Variants in ZNF185 observed in about 807,000 individuals in gnomAD.
ZNF185 encodes zinc finger protein 185 with LIM domain, also known as zinc finger protein 185.
Under a neutral mutation model 58.6 loss-of-function variants are expected in ZNF185, and 56 were observed. The ratio of observed to expected loss-of-function variants is 0.95; its 90% CI spans 0.77 to 1.19. The LOEUF is 1.19. Among genes scored for constraint, ZNF185 ranks in the 50% most tolerant of loss-of-function variants. The pLI is 0.00. For synonymous variants in ZNF185, 230 were observed against 215.9 expected (o/e 1.07, Z -0.57); for missense variants, 627 against 573.5 (o/e 1.09, Z -0.95).
At chrX:152,964,235 C>T (rs2049875642) in intron 18 of ZNF185, among the ~76,000 whole-genome samples, 1 of 112,978 alleles carries the variant, frequency 8.9e-6, no homozygotes, top group East Asian at 2.8e-4. Flanking sequence ...TGGGTCCATG[C>T]CTGGGAAGCC....
chrX:152,954,287 G>A (rs1012653607), intron 16 of ZNF185, among the ~76,000 whole-genome samples: 8 of 111,079 alleles, frequency 7.2e-5, no homozygotes, highest in Non-Finnish European at 5.7e-5. Flanking sequence ...CGGTTCTCAG[G>A]AGAAGCTGCT....
chrX:152,915,236 A>G, intron 3 of ZNF185, 33 bp downstream of exon 4: 1 of 1,193,214 alleles, frequency 8.4e-7, no homozygotes, highest in Non-Finnish European at 1.1e-6. Flanking sequence ...CTGGTGGGTC[A>G]GCCCCAGGGA....
intron 14 of ZNF185, 67 bp downstream of exon 16, chrX:152,936,580 C>G: frequency 1.0e-6 from 1 of 971,037 alleles, no homozygotes; most frequent in Non-Finnish European, 1.4e-6. Context: ...GGCCCAGCCT[C>G]AGCTGCAGCA....
chrX:152,926,499 C>T (rs1556872833), intron 11 of ZNF185, among the ~76,000 whole-genome samples: 2 of 112,987 alleles, frequency 1.8e-5, no homozygotes, highest in East Asian at 2.8e-4. Flanking sequence ...TCCCCGCCTC[C>T]TCGCTCTTTG....
At chrX:152,907,444 G>A in the ZNF185 span, among the ~76,000 whole-genome samples, 1 of 113,323 alleles carries the variant, frequency 8.8e-6, no homozygotes, top group Non-Finnish European at 1.9e-5. Context: ...GAAAGGTAGA[G>A]CAGGAACATG....
exon 23 of ZNF185, chrX:152,971,588 T>A (rs1177263953): frequency 8.9e-6 from 1 of 111,902 alleles, no homozygotes; most frequent in Non-Finnish European, 1.9e-5. Flanking sequence ...ATTGGCTTTC[T>A]AATGAGTTTA....
At chrX:152,914,107 C>A, upstream of ZNF185, among the ~76,000 whole-genome samples, 1 of 111,431 alleles carries the variant, frequency 9.0e-6, no homozygotes, top group Non-Finnish European at 1.9e-5. Context: ...CTTCCCCACA[C>A]CCCCCAGCCT....
At chrX:152,969,666 A>C (rs1556917685) in intron 21 of ZNF185, among the ~76,000 whole-genome samples, 182 bp downstream of exon 23, 1 of 112,414 alleles carries the variant, frequency 8.9e-6, no homozygotes, top group Non-Finnish European at 1.9e-5. Context: ...TGAGCTTCCA[A>C]GTCTAAGACA....
intron 16 of ZNF185, among the ~76,000 whole-genome samples, chrX:152,956,664 A>G (rs1296783409): frequency 2.7e-5 from 3 of 112,122 alleles, no homozygotes; most frequent in Non-Finnish European, 5.6e-5. Context: ...GCCTGAACCC[A>G]GGAGGTGGAG....
At chrX:152,959,360 C>A (rs953166989) in intron 16 of ZNF185, among the ~76,000 whole-genome samples, 3 of 112,424 alleles carry the variant, frequency 2.7e-5, no homozygotes, top group Non-Finnish European at 5.6e-5. Flanking sequence ...CCTAGAGAGG[C>A]CGGAGGCGGG....
chrX:152,950,123 G>A (rs942164433), intron 16 of ZNF185, among the ~76,000 whole-genome samples: 1 of 112,373 alleles, frequency 8.9e-6, no homozygotes, highest in Non-Finnish European at 1.9e-5. Context: ...GGATTCCTTA[G>A]TCATTTGAAA....
chrX:152,930,614 A>T (rs73641515), intron 12 of ZNF185, among the ~76,000 whole-genome samples: 109 of 111,452 alleles, frequency 9.8e-4, no homozygotes, highest in African/African-American at 3.4e-3. Context: ...GGCAGGAACA[A>T]GTGGAGATCC....
upstream of ZNF185, among the ~76,000 whole-genome samples, chrX:152,912,396 G>A (rs1235909631): frequency 9.1e-6 from 1 of 110,256 alleles, no homozygotes; most frequent in Non-Finnish European, 1.9e-5. Context: ...ATGTGCAAAA[G>A]TGTCTGTCTT....
At chrX:152,918,210 A>G (rs920642026) in intron 6 of ZNF185, 56 bp downstream of exon 7, 34 of 1,142,005 alleles carry the variant, frequency 3.0e-5, no homozygotes, top group Non-Finnish European at 3.3e-5. Context: ...ACAAGTCCAA[A>G]CTCTGGGTCC....
Position 152,960,012 on chromosome X carries a change from G to A in ZNF185, c.1607+116G>A. 4.1e-6 allele frequency: 3 copies of A among 738,886 alleles called. No individual in the cohort carries two copies. The South Asian group carries it at 9.6e-5, about 24-fold the overall frequency. The allele number at this position is 738,886 out of a possible 1,213,427, so 60.9% of individuals were successfully genotyped here. A position where few individuals can be genotyped will look rare whatever the true frequency, so the allele number is the denominator to read the frequency against. On this transcript the variant is annotated intron_variant, in intron 17 of 22. Coordinates refer to ENST00000449285, the Ensembl canonical transcript of ZNF185. The stretch of plus-strand genomic sequence containing the variant: ...ATGCCTGTTTATCCTCTGCAGGTGA[G>A]TGTGGTTAGGAGCCAGAGGGAAGGA...
Position 152,931,779 on chromosome X carries a change from A to G in ZNF185, c.1022+3A>G. ...GCCCCCAACACAGATGCTGCAAGGTAACTCAGTGCAGGAAGCAGACACTTC... is the reference window on the plus strand; with the variant it reads ...GCCCCCAACACAGATGCTGCAAGGTGACTCAGTGCAGGAAGCAGACACTTC... On this transcript the variant is annotated splice_donor_region_variant and intron_variant, in intron 13 of 22. Transcript: ENST00000449285. 1 of 1,197,276 alleles carries G rather than the reference A, an allele frequency of 8.4e-7. No individual in the cohort carries two copies. Among genetic ancestry groups the G allele is most frequent in the South Asian group, 1.8e-5 (1 of 54,852 alleles).
intron 3 of ZNF185, 81 bp downstream of exon 4, chrX:152,915,284 G>C: frequency 8.6e-6 from 9 of 1,041,787 alleles, no homozygotes; most frequent in Non-Finnish European, 1.2e-5. Flanking sequence ...AACAGGGAGG[G>C]GTGGGCAGTC....
intron 11 of ZNF185, among the ~76,000 whole-genome samples, chrX:152,927,181 G>A (rs1941017962): frequency 1.8e-5 from 2 of 112,578 alleles, no homozygotes; most frequent in Admixed American, 9.3e-5. Flanking sequence ...GCAGCCAGGG[G>A]TTTTATACTG....
chrX:152,925,670 T>C (rs1161987709), intron 11 of ZNF185, among the ~76,000 whole-genome samples: 1 of 111,799 alleles, frequency 8.9e-6, no homozygotes, highest in African/African-American at 3.3e-5. Flanking sequence ...GGTGCTGCAC[T>C]GGACCAAGCA....
Sources: gnomAD v4.1 joint callset for allele counts (sites outside exome capture counted in the v4.1 genomes callset) on GRCh38, gnomAD v4.1.1 for gene constraint, MANE v1.5 for transcripts, NCBI Gene and HGNC (gene_info 2026-07-23, HGNC 2026-07-21) for gene names.